Variants in SMAP1 observed in about 807,000 individuals in gnomAD.
SMAP1 encodes stromal membrane-associated protein 1.
SMAP1 carries 24 observed loss-of-function variants against 58.5 expected under a neutral mutation model. The ratio of observed to expected loss-of-function variants is 0.41; its 90% CI spans 0.30 to 0.58. The LOEUF is 0.58. Ranked by LOEUF, SMAP1 falls within the 20% of genes least tolerant of loss-of-function variation. SMAP1 has a pLI of 0.29. For synonymous variants in SMAP1, 216 were observed against 196.6 expected, an observed-to-expected ratio of 1.10 and a Z score of -0.82; for missense variants, 563 against 566.3, an observed-to-expected ratio of 0.99 and a Z score of 0.06.
intron 1 of SMAP1, among the ~76,000 whole-genome samples, chr6:70,702,123 C>T (rs911004788): frequency 6.6e-6 from 1 of 152,084 alleles, no homozygotes; most frequent in Non-Finnish European, 1.5e-5. Flanking sequence ...TTTCCCCCAG[C>T]TTCTTTTAAG....
chr6:70,764,110 C>T (rs1766865173), intron 3 of SMAP1, among the ~76,000 whole-genome samples: 1 of 150,228 alleles, frequency 6.7e-6, no homozygotes, highest in African/African-American at 2.5e-5. Flanking sequence ...GATGGGCTTG[C>T]TATATTGCCC....
At chr6:70,787,208 C>T (rs1768086465) in intron 4 of SMAP1, among the ~76,000 whole-genome samples, 1 of 152,154 alleles carries the variant, frequency 6.6e-6, no homozygotes, top group East Asian at 1.9e-4. Flanking sequence ...AAACGATTCC[C>T]TTTTTAATAA....
At chr6:70,820,914 ATAAAC>A (rs1183300044) in intron 6 of SMAP1, among the ~76,000 whole-genome samples, 1 of 152,144 alleles carries the variant, frequency 6.6e-6, no homozygotes, top group African/African-American at 2.4e-5. Flanking sequence ...TCATACGTAA[ATAAAC>A]TAATTAATAC....
chr6:70,772,092 A>G (rs923081964), intron 3 of SMAP1, among the ~76,000 whole-genome samples: 1 of 152,172 alleles, frequency 6.6e-6, no homozygotes, highest in Non-Finnish European at 1.5e-5. Flanking sequence ...CCTGATGTGC[A>G]TATCTTGGGG....
At chr6:70,795,647 A>G (rs1049951177) in intron 5 of SMAP1, among the ~76,000 whole-genome samples, 1 of 152,162 alleles carries the variant, frequency 6.6e-6, no homozygotes, top group Non-Finnish European at 1.5e-5. Context: ...TTAACATGTG[A>G]ATTTTGGGGT....
chr6:70,746,275 G>T (rs1766029108), intron 2 of SMAP1, among the ~76,000 whole-genome samples: 1 of 152,042 alleles, frequency 6.6e-6, no homozygotes, highest in Non-Finnish European at 1.5e-5. Flanking sequence ...ATGCTTCTAG[G>T]TTTTGCCCAT....
intron 1 of SMAP1, chr6:70,668,777 GT>G (rs763340526): frequency 6.6e-7 from 1 of 1,514,306 alleles, no homozygotes; most frequent in Non-Finnish European, 8.9e-7. Flanking sequence ...TAGTAGTATT[GT>G]TTTTTAGTCT....
At chr6:70,701,644 A>G (rs1008300926) in intron 1 of SMAP1, among the ~76,000 whole-genome samples, 1 of 152,114 alleles carries the variant, frequency 6.6e-6, no homozygotes, top group Non-Finnish European at 1.5e-5. Flanking sequence ...GATTGGCAGG[A>G]CAGAGTTTCA....
At chr6:70,774,213 T>C (rs1002824739) in intron 4 of SMAP1, among the ~76,000 whole-genome samples, 2 of 152,222 alleles carry the variant, frequency 1.3e-5, no homozygotes, top group Admixed American at 6.5e-5. Context: ...TGTAATGATA[T>C]GTTTCTCAGA....
intron 6 of SMAP1, among the ~76,000 whole-genome samples, chr6:70,825,089 T>A (rs1770057400): frequency 6.6e-6 from 1 of 152,198 alleles, no homozygotes; most frequent in Non-Finnish European, 1.5e-5. Context: ...TCATGAGCCC[T>A]GTATGCAGAT....
chr6:70,693,561 C>T (rs1355124061), intron 1 of SMAP1, among the ~76,000 whole-genome samples: 1 of 152,100 alleles, frequency 6.6e-6, no homozygotes, highest in Non-Finnish European at 1.5e-5. Context: ...CTCGGCCTCC[C>T]AAAGTGCTGG....
At chr6:70,676,197 C>T (rs1364176475) in intron 1 of SMAP1, among the ~76,000 whole-genome samples, 1 of 152,178 alleles carries the variant, frequency 6.6e-6, no homozygotes, top group Non-Finnish European at 1.5e-5. Context: ...TATAATAAAT[C>T]ATAACGATGA....
At chr6:70,752,931 G>T (rs949187883) in intron 2 of SMAP1, among the ~76,000 whole-genome samples, 2 of 151,898 alleles carry the variant, frequency 1.3e-5, no homozygotes, top group African/African-American at 4.8e-5. Context: ...CTATAGAAAT[G>T]ACTCATTATT....
At position 70,668,078 on chromosome 6, in the gene SMAP1, C is replaced by A. The variant is rs112439957; in HGVS notation, c.55C>A (p.Leu19Ile). The A allele has an allele frequency of 9.1e-3, 14,561 of 1,606,202 alleles. 73 individuals are homozygous for A. Among genetic ancestry groups the A allele is most frequent in the Non-Finnish European group, 0.011 (12,878 of 1,176,884 alleles). ...KAQKLNEQHQLILSKLLREED... is the reference protein window; with the variant it reads ...KAQKLNEQHQIILSKLLREED... ...TCAGAAGCTGAACGAGCAGCACCAGCTCATCCTATCCAAGCTTCTGAGGGA... is the reference window on the plus strand; with the variant it reads ...TCAGAAGCTGAACGAGCAGCACCAGATCATCCTATCCAAGCTTCTGAGGGA... The change falls in exon 1 of 11, where the codon CTC becomes ATC. Residue 19 changes from leucine to isoleucine, a missense_variant. Leu to Ile is a conservative substitution (Grantham distance 5). This residue lies in a region of SMAP1 where 52 missense variants were observed against 46.6 expected (regional missense o/e 1.11). Transcript: ENST00000370455.
chr6:70,855,699 C>CTT (rs1327393133), intron 8 of SMAP1, among the ~76,000 whole-genome samples: 1 of 152,178 alleles, frequency 6.6e-6, no homozygotes, highest in Non-Finnish European at 1.5e-5. Flanking sequence ...AGTAACATGT[C>CTT]TGAGTGTACC....
At chr6:70,680,892 T>C (rs1353647861) in intron 1 of SMAP1, among the ~76,000 whole-genome samples, 1 of 151,892 alleles carries the variant, frequency 6.6e-6, no homozygotes, top group African/African-American at 2.4e-5. Flanking sequence ...CTAATTTTTG[T>C]ATTTTTAGCA....
rs142314426 is a variant in SMAP1 at position 70,793,884 on chromosome 6, G to A, written c.495+2115G>A. ...CGAGTAGCTGGGTTTACAGGCATGC[G>A]CCACCATGCCTGGCTAATTATGTAT... On this transcript the variant is annotated intron_variant, in intron 5 of 10. Transcript: ENST00000370455. Among the ~76,000 whole-genome samples the A allele has an allele frequency of 6.5e-3, 983 of 151,762 alleles. 10 individuals carry two copies. Among genetic ancestry groups the A allele is most frequent in the African/African-American group, 0.023 (940 of 41,354 alleles).
In SMAP1 at chr6:70,756,945, A is replaced by G. The variant is rs1277450812; in HGVS notation, c.338+1880A>G. On this transcript the variant is annotated intron_variant, in intron 3 of 10. Transcript: ENST00000370455. ...TATCGTGAAAATGGCCATACTGCCCAAGGTGATTTACAGATTCAATGCCAT... is the reference window on the plus strand; with the variant it reads ...TATCGTGAAAATGGCCATACTGCCCGAGGTGATTTACAGATTCAATGCCAT... 2.0e-5 allele frequency among the ~76,000 whole-genome samples: 3 copies of G among 152,158 alleles called. No individual in the cohort carries two copies. In the East Asian group the frequency reaches 5.8e-4, roughly 29 times the overall value.
At chr6:70,762,498 T>C (rs1474862274) in intron 3 of SMAP1, among the ~76,000 whole-genome samples, 1 of 152,124 alleles carries the variant, frequency 6.6e-6, no homozygotes, top group Non-Finnish European at 1.5e-5. Context: ...TGTACAAAAA[T>C]ATACAAGGAC....
Sources: gnomAD v4.1 joint callset for allele counts (sites outside exome capture counted in the v4.1 genomes callset) on GRCh38, gnomAD v4.1.1 for gene constraint, gnomAD v4.1.1 regional missense constraint, MANE v1.5 for transcripts, NCBI Gene and HGNC (gene_info 2026-07-23, HGNC 2026-07-21) for gene names.